Variants in BICD1 observed in about 807,000 individuals in gnomAD.
BICD1 encodes BICD cargo adaptor 1.
Under a neutral mutation model 92.5 loss-of-function variants are expected in BICD1, and 35 were observed. That is an observed-to-expected ratio of 0.38 (90% CI 0.29 to 0.50). The LOEUF is 0.50. BICD1 is among the 20% of genes least tolerant of loss of function. The pLI is 0.93. For synonymous variants in BICD1, 429 were observed against 465.1 expected (o/e 0.92, Z 1.00); for missense variants, 950 against 1,189.8 (o/e 0.80, Z 2.97).
At chr12:32,258,909 G>A (rs142007278) in intron 2 of BICD1, among the ~76,000 whole-genome samples, 149 of 152,302 alleles carry the variant, frequency 9.8e-4, no homozygotes, top group African/African-American at 3.3e-3. Flanking sequence ...TTAAGCCTCC[G>A]GATGACTGCG....
chr12:32,195,410 T>C (rs1944699786), intron 1 of BICD1, among the ~76,000 whole-genome samples: 1 of 152,162 alleles, frequency 6.6e-6, no homozygotes, highest in Non-Finnish European at 1.5e-5. Flanking sequence ...TAAAACAGTA[T>C]GGAACTGGCC....
At chr12:32,178,822 C>T (rs1194982425) in intron 1 of BICD1, among the ~76,000 whole-genome samples, 2 of 151,936 alleles carry the variant, frequency 1.3e-5, no homozygotes, top group Non-Finnish European at 1.5e-5. Flanking sequence ...AGTTGTCCTG[C>T]ATGCTGACAT....
chr12:32,364,209 A>G (rs1218236633), intron 8 of BICD1, among the ~76,000 whole-genome samples: 2 of 152,244 alleles, frequency 1.3e-5, no homozygotes, highest in Non-Finnish European at 2.9e-5. Flanking sequence ...CCTGGTGGCC[A>G]AACAACAGCA....
chr12:32,236,226 C>T (rs1286275848), intron 2 of BICD1, among the ~76,000 whole-genome samples: 2 of 151,444 alleles, frequency 1.3e-5, no homozygotes, highest in Non-Finnish European at 2.9e-5. Context: ...AACCCCATCT[C>T]TACTAAAAAT....
intron 1 of BICD1, among the ~76,000 whole-genome samples, chr12:32,180,395 G>A (rs1219046229): frequency 1.3e-5 from 2 of 151,836 alleles, no homozygotes; most frequent in Admixed American, 6.6e-5. Context: ...CTTAAAATAG[G>A]CATCAGGTAC....
intron 3 of BICD1, among the ~76,000 whole-genome samples, chr12:32,297,793 T>C (rs1947915106): frequency 8.7e-6 from 1 of 115,462 alleles, no homozygotes; most frequent in Non-Finnish European, 1.9e-5. Context: ...TCTTACTTTC[T>C]ATAAAGAGTC....
Position 32,262,168 on chromosome 12 carries a change from G to A in BICD1, c.427-31826G>A, listed in dbSNP as rs78376634. On this transcript the variant is annotated intron_variant, in intron 2 of 9. Coordinates refer to ENST00000652176, the MANE Select transcript of BICD1 (RefSeq NM_001714.4). ...CAAATGCAGCTCATTACCAGAATCC[G>A]TGAGCACTGTCTTCAAACCCTCCCC... Among the ~76,000 whole-genome samples the A allele has an allele frequency of 6.5e-3, 995 of 152,246 alleles. 14 individuals carry two copies. Among genetic ancestry groups the A allele is most frequent in the African/African-American group, 0.023 (938 of 41,530 alleles).
intron 3 of BICD1, among the ~76,000 whole-genome samples, chr12:32,301,985 C>T (rs1948061929): frequency 6.6e-6 from 1 of 152,068 alleles, no homozygotes; most frequent in African/African-American, 2.4e-5. Context: ...TTCCTGGGTT[C>T]ACGCCATTCT....
intron 1 of BICD1, among the ~76,000 whole-genome samples, chr12:32,113,295 A>G (rs1941765631): frequency 6.6e-6 from 1 of 152,176 alleles, no homozygotes; most frequent in Admixed American, 6.5e-5. Context: ...GAATCTTCTC[A>G]GGCTGGATAG....
At chr12:32,230,704 C>T (rs995366982) in intron 2 of BICD1, among the ~76,000 whole-genome samples, 2 of 152,092 alleles carry the variant, frequency 1.3e-5, no homozygotes, top group African/African-American at 2.4e-5. Flanking sequence ...GGAGCAAAAG[C>T]GGCGTCTGTC....
chr12:32,377,734 T>C lies in BICD1; in HGVS notation c.*107T>C. The C allele has an allele frequency of 4.1e-6, 4 of 982,452 alleles. No individual in the cohort carries two copies. Among genetic ancestry groups the C allele is most frequent in the Non-Finnish European group, 6.4e-6 (4 of 621,276 alleles). 60.9% of individuals were successfully genotyped at this position (982,452 alleles called of 1,614,324 possible). A position where few individuals can be genotyped will look rare whatever the true frequency, so the allele number is the denominator to read the frequency against. On this transcript the variant is annotated 3_prime_UTR_variant, in exon 10 of 10. Transcript: ENST00000652176. The stretch of plus-strand genomic sequence containing the variant: ...TTCTTCTCGGTTGTTAGATGTACAA[T>C]TGGATTAATGTCCATCGTTTTGGAA...
chr12:32,343,051 T>C (rs1180956593), intron 8 of BICD1, among the ~76,000 whole-genome samples: 1 of 152,214 alleles, frequency 6.6e-6, no homozygotes, highest in Non-Finnish European at 1.5e-5. Flanking sequence ...GGCTTGCTTG[T>C]TAACTTTCTT....
At chr12:32,145,356 T>C (rs1483519634) in intron 1 of BICD1, among the ~76,000 whole-genome samples, 1 of 152,198 alleles carries the variant, frequency 6.6e-6, no homozygotes, top group Admixed American at 6.5e-5. Context: ...AAAGAATTCA[T>C]TGTGGCTGTC....
In BICD1 at chr12:32,328,186, A is replaced by T; in HGVS notation, c.1731A>T (p.Ser577=). The T allele has an allele frequency of 3.7e-6, 6 of 1,614,152 alleles. No homozygotes were observed. Among genetic ancestry groups the T allele is most frequent in the Non-Finnish European group, 5.1e-6 (6 of 1,180,024 alleles). ...CATCCCCGGTAGAAACAAGGACCTCATCTGAACCAGTTGCAAAAGAAAGCA... is the reference window on the plus strand; with the variant it reads ...CATCCCCGGTAGAAACAAGGACCTCTTCTGAACCAGTTGCAAAAGAAAGCA... ...GVSSPVETRT[S]SEPVAKESTE... Residue 577 remains serine, a synonymous_variant, in exon 5 of 10, where the codon TCA becomes TCT. Transcript: ENST00000652176. The surrounding 1 kb of genome is among the most constrained non-coding windows in gnomAD (Gnocchi z 4.4).
intron 2 of BICD1, among the ~76,000 whole-genome samples, chr12:32,268,178 T>C (rs1310603030): frequency 2.0e-5 from 3 of 152,200 alleles, no homozygotes; most frequent in African/African-American, 7.2e-5. Flanking sequence ...TAGTTATGTA[T>C]CACATCCCAT....
intron 1 of BICD1, among the ~76,000 whole-genome samples, chr12:32,122,698 C>G (rs1327073277): frequency 1.3e-5 from 2 of 152,060 alleles, no homozygotes; most frequent in East Asian, 3.9e-4. Context: ...AAATTTAGAC[C>G]AGGGTCTCAA....
chr12:32,315,916 A>G (rs1490830543), intron 4 of BICD1, among the ~76,000 whole-genome samples: 1 of 151,990 alleles, frequency 6.6e-6, no homozygotes, highest in South Asian at 2.1e-4. Flanking sequence ...TGCGTGGATC[A>G]TCTGAGGTCG....
At chr12:32,331,421 C>T (rs752745614) in intron 5 of BICD1, among the ~76,000 whole-genome samples, 16 of 152,136 alleles carry the variant, frequency 1.1e-4, no homozygotes, top group Admixed American at 4.6e-4. Context: ...TTTCACTGTG[C>T]TTTGTGGTAC....
rs566907569 is a variant in BICD1, at chr12:32,126,706, G to A, written c.213+19162G>A. On this transcript the variant is annotated intron_variant, in intron 1 of 9. Coordinates refer to ENST00000652176, the MANE Select transcript of BICD1 (RefSeq NM_001714.4). ...CGGGAGGTGAAGGTTGCAGTGAGCC[G>A]AGATCAGATCACGCCACTGCACTCT... Among the ~76,000 whole-genome samples, 217 of 152,042 alleles carry A rather than the reference G, an allele frequency of 1.4e-3. 2 individuals carry two copies. Among genetic ancestry groups the A allele is most frequent in the African/African-American group, 4.8e-3 (199 of 41,452 alleles).
Sources: allele counts gnomAD v4.1 joint callset (sites outside exome capture counted in the v4.1 genomes callset), GRCh38; gene constraint gnomAD v4.1.1; non-coding constraint Gnocchi (gnomAD v3.1); transcripts MANE v1.5; gene names NCBI Gene and HGNC (gene_info 2026-07-23, HGNC 2026-07-21).